The following ABHD16A variants were observed in gnomAD, a reference collection of about 807,000 sequenced individuals.
ABHD16A encodes phosphatidylserine lipase ABHD16A.
Under a neutral mutation model 89.8 loss-of-function variants are expected in ABHD16A, and 47 were observed. The observed-to-expected ratio is 0.52, with a 90% confidence interval of 0.41 to 0.67. The LOEUF (loss-of-function observed/expected upper bound fraction) is 0.67. Among genes scored for constraint, ABHD16A ranks in the 30% least tolerant of loss-of-function variants. The pLI is 0.00. For synonymous variants in ABHD16A, 251 were observed against 280.4 expected, an observed-to-expected ratio of 0.90 and a Z score of 1.05; for missense variants, 580 against 734.6, an observed-to-expected ratio of 0.79 and a Z score of 2.43.
chr6:31,688,450 G>A lies in ABHD16A; in HGVS notation c.1251-145C>T. On this transcript the variant is annotated intron_variant, in intron 14 of 19. Transcript: ENST00000395952. This position sits in a 1 kb window ranked among gnomAD's most constrained non-coding sequence, Gnocchi z 4.9. ...CCTAGCCCTTCACTCAGGGGTGAGA[G>A]GGGATTATTTAAGGGGCATGGTTCA... 3.3e-6 allele frequency: 3 copies of A among 901,056 alleles called. No individual in the cohort carries two copies. In the South Asian group the frequency reaches 4.7e-5, roughly 14 times the overall value. The allele number at this position is 901,056 out of a possible 1,614,324, so 55.8% of individuals were successfully genotyped here. A position where few individuals can be genotyped will look rare whatever the true frequency, so the allele number is the denominator to read the frequency against.
chr6:31,687,916 C>T lies in ABHD16A; in HGVS notation c.1371-16G>A, dbSNP rs745796053. On this transcript the variant is annotated splice_polypyrimidine_tract_variant and intron_variant, in intron 16 of 19. Transcript: ENST00000395952. This position sits in a 1 kb window ranked among gnomAD's most constrained non-coding sequence, Gnocchi z 6.3. ...CCGGGGATACCTACGGAGGAAGTGC[C>T]AGGACAGGTCAGGGCTGATTTTTTT... 1 of 1,612,768 alleles carries T rather than the reference C, an allele frequency of 6.2e-7. No individual in the cohort carries two copies. Among genetic ancestry groups the T allele is most frequent in the Non-Finnish European group, 8.5e-7 (1 of 1,180,018 alleles).
chr6:31,691,758 G>A (rs1380508382), intron 8 of ABHD16A, 46 bp downstream of exon 8: 8 of 1,553,816 alleles, frequency 5.1e-6, no homozygotes, highest in Non-Finnish European at 6.1e-6. Context: ...GTGGGTGGGG[G>A]TGAGAGGGGA....
rs768612703 is a variant in ABHD16A at position 31,690,178 on chromosome 6, C to T, written c.908-51G>A. The T allele has an allele frequency of 6.6e-7, 1 of 1,506,024 alleles. No homozygotes were observed. The highest frequency in any genetic ancestry group is 1.3e-5 in the South Asian group (1 of 77,744). 93.3% of individuals were successfully genotyped at this position (1,506,024 alleles called of 1,614,324 possible). A position where few individuals can be genotyped will look rare whatever the true frequency, so the allele number is the denominator to read the frequency against. On this transcript the variant is annotated intron_variant, in intron 10 of 19. Coordinates refer to ENST00000395952, the MANE Select transcript of ABHD16A (RefSeq NM_021160.3). This position sits in a 1 kb window ranked among gnomAD's most constrained non-coding sequence, Gnocchi z 4.1. ...GAGACCTTGTGGCCCACAGCCCTTT[C>T]TCCATCCCTGGGGGAAGGAAGAGCA... is the stretch of plus-strand genomic sequence containing the variant.
In ABHD16A at chr6:31,690,033, C is replaced by G. The variant is rs368098570; in HGVS notation, c.957+45G>C. On this transcript the variant is annotated intron_variant, in intron 11 of 19. Coordinates refer to ENST00000395952, the MANE Select transcript of ABHD16A (RefSeq NM_021160.3). The surrounding 1 kb of genome is among the most constrained non-coding windows in gnomAD (Gnocchi z 4.1). ...CCTCCAATGGCTGACCAGAGGGAAA[C>G]AGACATAATTCAGGAAAAGGAAGGG... 1 of 1,539,778 alleles carries G rather than the reference C, an allele frequency of 6.5e-7. No homozygotes were observed. Among genetic ancestry groups the G allele is most frequent in the Non-Finnish European group, 8.8e-7 (1 of 1,142,076 alleles).
At chr6:31,692,020 T>C in intron 7 of ABHD16A, 102 bp from the exon 8 acceptor site, 1 of 865,950 alleles carries the variant, frequency 1.2e-6, no homozygotes, top group Non-Finnish European at 1.8e-6. Context: ...AGGCCTGCTT[T>C]ACCCCTGACC....
intron 9 of ABHD16A, chr6:31,691,303 C>T (rs1234912826): frequency 4.9e-6 from 2 of 411,786 alleles, no homozygotes; most frequent in Non-Finnish European, 8.8e-6. Context: ...AATATATATG[C>T]TTCATATATA....
intron 11 of ABHD16A, 108 bp downstream of exon 11, chr6:31,689,970 A>C: frequency 1.5e-6 from 2 of 1,304,578 alleles, no homozygotes; most frequent in Non-Finnish European, 2.1e-6. Flanking sequence ...CCCTCAGGTG[A>C]GTGGGACGCC....
chr6:31,696,939 G>A lies in ABHD16A; in HGVS notation c.429+9C>T, dbSNP rs1804454107. ...GTGCCTGTGTGGCACTTTTCCTAGG[G>A]CCTCTCACCTTGTTTTCTGAAGACT... is the stretch of plus-strand genomic sequence containing the variant. On this transcript the variant is annotated intron_variant, in intron 5 of 19. Coordinates refer to ENST00000395952, the MANE Select transcript of ABHD16A (RefSeq NM_021160.3). 1.2e-6 allele frequency: 2 copies of A among 1,611,392 alleles called. No homozygotes were observed. The highest frequency in any genetic ancestry group is 1.7e-6 in the Non-Finnish European group (2 of 1,178,634).
At chr6:31,702,657 C>A (rs1401867115) in intron 1 of ABHD16A, 3 of 1,536,474 alleles carry the variant, frequency 2.0e-6, no homozygotes, top group Non-Finnish European at 2.6e-6. Context: ...GGTCTCCAGG[C>A]TAGGTTGGGC....
intron 1 of ABHD16A, chr6:31,702,907 C>A: frequency 7.7e-7 from 1 of 1,292,602 alleles, no homozygotes; most frequent in Non-Finnish European, 9.8e-7. Context: ...CGGGGGGACG[C>A]GGAGAGGAAA....
intron 7 of ABHD16A, 113 bp downstream of exon 7, chr6:31,692,914 A>G: frequency 7.0e-7 from 1 of 1,428,020 alleles, no homozygotes; most frequent in Non-Finnish European, 9.8e-7. Context: ...CACAAACCAT[A>G]CAGCACTAGG....
chr6:31,691,664 G>T lies in ABHD16A; in HGVS notation c.758C>A (p.Ala253Glu). ...ATTGCCATCACAGGCCAGCAGCTTT[G>T]CCCGGCGCCCATTACACTGAGTACG... ...RLVEECNGRR[A>E]KLLACDGNEI... The change falls in exon 9 of 20, where the codon GCA becomes GAA. Residue 253 changes from alanine (A) to glutamate (E), a missense_variant. Physicochemically the swap from Ala to Glu is moderately radical, Grantham distance 107. Around this residue, in one of 2 missense-constraint regions of ABHD16A, gnomAD observed 415 missense variants for 568.8 expected, o/e 0.73. Coordinates refer to ENST00000395952, the MANE Select transcript of ABHD16A (RefSeq NM_021160.3). The T allele has an allele frequency of 6.3e-7, 1 of 1,597,022 alleles. No homozygotes were observed. The highest frequency in any genetic ancestry group is 8.5e-7 in the Non-Finnish European group (1 of 1,173,786).
chr6:31,702,264 C>A, intron 1 of ABHD16A, 134 bp from the exon 2 acceptor site: 2 of 850,254 alleles, frequency 2.4e-6, no homozygotes, highest in Admixed American at 4.8e-5. Context: ...CTGGCCCCCA[C>A]AGAAACTCCT....
rs200834175 is a variant in ABHD16A, at chr6:31,700,832, AAT to A, written c.343+108_343+109del. 351 of 839,108 alleles carry A rather than the reference AAT, an allele frequency of 4.2e-4. 3 individuals carry two copies. In the East Asian group the frequency reaches 8.3e-3, roughly 20 times the overall value. The allele number at this position is 839,108 out of a possible 1,614,324, so 52.0% of individuals were successfully genotyped here. ...AAAGATCATGCCTTAAACCATTCTC[AAT>A]GATTCCCTCTCGGAGGCCCATCACT... On this transcript the variant is annotated intron_variant, in intron 4 of 19. Transcript: ENST00000395952.
chr6:31,699,783 G>T (rs1346121428), intron 4 of ABHD16A, among the ~76,000 whole-genome samples: 1 of 151,952 alleles, frequency 6.6e-6, no homozygotes, highest in Non-Finnish European at 1.5e-5. Flanking sequence ...TTGCTCTGTT[G>T]CCCAGGATGC....
At chr6:31,701,951 G>A (rs1805050672) in intron 2 of ABHD16A, 123 bp downstream of exon 2, 1 of 1,023,002 alleles carries the variant, frequency 9.8e-7, no homozygotes, top group Non-Finnish European at 1.5e-6. Context: ...GGAGAGGTCT[G>A]CTGCAGAGCC....
intron 5 of ABHD16A, among the ~76,000 whole-genome samples, chr6:31,694,683 G>A (rs527624978): frequency 1.3e-5 from 2 of 152,056 alleles, no homozygotes; most frequent in Admixed American, 6.6e-5. Flanking sequence ...GAGCCACCGC[G>A]CCCGGCCTAG....
At chr6:31,697,483 A>G (rs929974011) in intron 4 of ABHD16A, among the ~76,000 whole-genome samples, 10 of 152,158 alleles carry the variant, frequency 6.6e-5, no homozygotes, top group Non-Finnish European at 1.5e-4. Flanking sequence ...CTGGCTTCAG[A>G]GTCTCCGACT....
chr6:31,702,729 G>A (rs1428603087), intron 1 of ABHD16A: 3 of 1,543,672 alleles, frequency 1.9e-6, no homozygotes. Context: ...AATTCAAGGC[G>A]AGGGTAAAGG....
Sources: gnomAD v4.1 joint callset for allele counts (sites outside exome capture counted in the v4.1 genomes callset) on GRCh38, gnomAD v4.1.1 for gene constraint, gnomAD v4.1.1 regional missense constraint, Gnocchi (gnomAD v3.1) non-coding constraint, MANE v1.5 for transcripts, NCBI Gene and HGNC (gene_info 2026-07-23, HGNC 2026-07-21) for gene names.